Variants in GHR observed in about 807,000 individuals in gnomAD.
The protein encoded by GHR is growth hormone receptor, also known as GH receptor.
A neutral mutation model predicts 67.1 loss-of-function variants in GHR; 35 were observed. The observed-to-expected ratio is 0.52, with a 90% CI of 0.40 to 0.69. The LOEUF (loss-of-function observed/expected upper bound fraction) is 0.69. Ranked by LOEUF, GHR falls within the 30% of genes least tolerant of loss-of-function variation. The pLI is 0.00. For synonymous variants in GHR, 272 were observed against 269.1 expected (o/e 1.01, Z -0.10); for missense variants, 792 against 764.6 (o/e 1.04, Z -0.42).
chr5:42,472,979 T>C (rs1686075610), intron 1 of GHR, among the ~76,000 whole-genome samples: 1 of 152,224 alleles, frequency 6.6e-6, no homozygotes, highest in Non-Finnish European at 1.5e-5. Flanking sequence ...GGTGAATTGC[T>C]ATGACAGAAT....
chr5:42,428,320 G>C (rs1212230812), intron 1 of GHR, among the ~76,000 whole-genome samples: 1 of 152,172 alleles, frequency 6.6e-6, no homozygotes, highest in African/African-American at 2.4e-5. Flanking sequence ...ATGGCTAGAG[G>C]GGCTGGGACA....
intron 1 of GHR, among the ~76,000 whole-genome samples, chr5:42,455,768 T>C (rs1388209161): frequency 6.6e-6 from 1 of 152,212 alleles, no homozygotes; most frequent in Non-Finnish European, 1.5e-5. Flanking sequence ...AGAAATATTT[T>C]ACAAACTATA....
chr5:42,467,420 T>C, intron 1 of GHR: 2 of 937,606 alleles, frequency 2.1e-6, no homozygotes, highest in Admixed American at 1.9e-5. Context: ...TGGTGGACAA[T>C]ATGGTTTGAG....
chr5:42,598,309 C>A (rs1329740518), intron 2 of GHR, among the ~76,000 whole-genome samples: 1 of 152,122 alleles, frequency 6.6e-6, no homozygotes, highest in Non-Finnish European at 1.5e-5. Flanking sequence ...TAAGGAGTTT[C>A]CAATTTTTCC....
At chr5:42,429,124 A>G (rs1742979618) in intron 1 of GHR, among the ~76,000 whole-genome samples, 1 of 152,220 alleles carries the variant, frequency 6.6e-6, no homozygotes. Flanking sequence ...ATTAGGTTTA[A>G]TGGTCGCACA....
chr5:42,718,959 C>G lies in GHR; in HGVS notation c.1452C>G (p.Ile484Met), dbSNP rs778616140. 1 of 1,613,444 alleles carries G rather than the reference C, an allele frequency of 6.2e-7. No homozygotes were observed. The highest frequency in any genetic ancestry group is 8.5e-7 in the Non-Finnish European group (1 of 1,179,520). The change falls in exon 10 of 10, where the codon ATC (isoleucine) becomes ATG (methionine). Residue 484 changes from isoleucine (I) to methionine (M), a missense_variant. Physicochemically the swap from Ile to Met is conservative, Grantham distance 10. Coordinates refer to ENST00000230882, the MANE Select transcript of GHR (RefSeq NM_000163.5). Reference protein sequence around the residue: ...QLSNPSSLSNIDFYAQVSDIT... With the variant: ...QLSNPSSLSNMDFYAQVSDIT... The stretch of plus-strand genomic sequence containing the variant: ...GCAATCCAAGTTCACTGTCAAACAT[C>G]GACTTTTATGCCCAGGTGAGCGACA...
chr5:42,467,993 T>G, intron 1 of GHR: 2 of 738,398 alleles, frequency 2.7e-6, no homozygotes, highest in Non-Finnish European at 4.7e-6. Flanking sequence ...TAACATGTTT[T>G]CTTTTTCACA....
At chr5:42,445,003 G>A (rs1044941755) in intron 1 of GHR, among the ~76,000 whole-genome samples, 2 of 152,160 alleles carry the variant, frequency 1.3e-5, no homozygotes, top group Non-Finnish European at 2.9e-5. Flanking sequence ...CCAGTATCTT[G>A]CAGGTGGGCA....
chr5:42,577,954 G>T (rs920635552), intron 2 of GHR, among the ~76,000 whole-genome samples: 1 of 152,066 alleles, frequency 6.6e-6, no homozygotes, highest in Non-Finnish European at 1.5e-5. Context: ...TTTCCTATAC[G>T]ATATACTTAA....
chr5:42,621,794 C>G (rs1753460123), intron 2 of GHR, among the ~76,000 whole-genome samples: 1 of 152,186 alleles, frequency 6.6e-6, no homozygotes. Flanking sequence ...TTTAAATTCT[C>G]TAGCTCATGT....
At chr5:42,462,698 G>C (rs146759128) in intron 1 of GHR, among the ~76,000 whole-genome samples, 1 of 143,350 alleles carries the variant, frequency 7.0e-6, no homozygotes, top group Non-Finnish European at 1.5e-5. Flanking sequence ...GTGTGTGTGC[G>C]TGTGCTTTTG....
chr5:42,466,879 C>T, intron 1 of GHR: 1 of 1,461,704 alleles, frequency 6.8e-7, no homozygotes, highest in Non-Finnish European at 9.1e-7. Flanking sequence ...CTTCCTCTTC[C>T]TTACTTGTTG....
intron 3 of GHR, among the ~76,000 whole-genome samples, chr5:42,637,771 G>A (rs1754273523): frequency 6.6e-6 from 1 of 152,114 alleles, no homozygotes; most frequent in Admixed American, 6.5e-5. Flanking sequence ...ATATATGAGT[G>A]CGTGTGTCCT....
chr5:42,572,259 C>T (rs1278875267), intron 2 of GHR, among the ~76,000 whole-genome samples: 2 of 152,114 alleles, frequency 1.3e-5, no homozygotes, highest in African/African-American at 4.8e-5. Context: ...ACCTGCTTAT[C>T]CACAGTACTG....
chr5:42,447,590 T>C (rs1027856951), intron 1 of GHR, among the ~76,000 whole-genome samples: 5 of 152,134 alleles, frequency 3.3e-5, no homozygotes, highest in Non-Finnish European at 7.4e-5. Context: ...TACAAATGCA[T>C]GTGCAAGTTG....
intron 2 of GHR, among the ~76,000 whole-genome samples, chr5:42,576,046 T>TAATAAAATAA (rs1554021364): frequency 0.11 from 5,987 of 55,242 alleles, 566 homozygotes; most frequent in East Asian, 0.17. Flanking sequence ...AAAATTAAAA[T>TAATAAAATAA]AATAAAATAA....
chr5:42,661,321 A>C (rs970985204), intron 3 of GHR, among the ~76,000 whole-genome samples: 3 of 152,204 alleles, frequency 2.0e-5, no homozygotes, highest in African/African-American at 4.8e-5. Flanking sequence ...CCAAAGTTGA[A>C]ACGAAGGAAA....
At chr5:42,647,623 T>A (rs1212915560) in intron 3 of GHR, 1 of 430,914 alleles carries the variant, frequency 2.3e-6, no homozygotes, top group African/African-American at 2.1e-5. Context: ...TAGGAAAAAT[T>A]TGATGACTTT....
At chr5:42,548,135 A>G in intron 1 of GHR, 6 of 984,700 alleles carry the variant, frequency 6.1e-6, no homozygotes, top group Non-Finnish European at 7.2e-6. Flanking sequence ...CAGAGCCCAG[A>G]GATGTACTGG....
Sources: allele counts gnomAD v4.1 joint callset (sites outside exome capture counted in the v4.1 genomes callset), GRCh38; gene constraint gnomAD v4.1.1; transcripts MANE v1.5; gene names NCBI Gene and HGNC (gene_info 2026-07-23, HGNC 2026-07-21).